MAGI1: variants seen among roughly 807,000 people sequenced by gnomAD.
The protein encoded by MAGI1 is membrane associated guanylate kinase, WW and PDZ domain containing 1.
MAGI1 carries 58 observed loss-of-function variants against 139.9 expected under a neutral mutation model. That is an observed-to-expected ratio of 0.41 (90% CI 0.34 to 0.52). The LOEUF is 0.52. Among genes scored for constraint, MAGI1 ranks in the 20% least tolerant of loss-of-function variants. The pLI is 0.12. For synonymous variants in MAGI1, 812 were observed against 737.9 expected, an observed-to-expected ratio of 1.10 and a Z score of -1.63; for missense variants, 1,874 against 1,901.6, an observed-to-expected ratio of 0.99 and a Z score of 0.27.
chr3:65,851,199 A>C (rs959123209), intron 1 of MAGI1, among the ~76,000 whole-genome samples: 2 of 152,286 alleles, frequency 1.3e-5, no homozygotes, highest in Admixed American at 1.3e-4. Context: ...AGTTTGACTA[A>C]ATGAGTAATT....
intron 1 of MAGI1, among the ~76,000 whole-genome samples, chr3:65,813,218 C>T (rs1035091793): frequency 3.9e-5 from 6 of 151,974 alleles, no homozygotes; most frequent in South Asian, 4.2e-4. Context: ...TCTCACCAAG[C>T]GCCACACCCC....
At chr3:65,714,496 C>T (rs908694027) in intron 1 of MAGI1, among the ~76,000 whole-genome samples, 4 of 152,090 alleles carry the variant, frequency 2.6e-5, no homozygotes, top group Non-Finnish European at 5.9e-5. Flanking sequence ...ACTTGGGGAG[C>T]ATGGGAGCCT....
chr3:65,791,744 C>T (rs2039789331), intron 1 of MAGI1, among the ~76,000 whole-genome samples: 1 of 152,094 alleles, frequency 6.6e-6, no homozygotes, highest in Admixed American at 6.6e-5. Flanking sequence ...GTGTGTTTTT[C>T]CATTTGCCAA....
intron 1 of MAGI1, among the ~76,000 whole-genome samples, chr3:65,760,764 C>T (rs529739447): frequency 6.6e-6 from 1 of 152,160 alleles, no homozygotes; most frequent in Admixed American, 6.5e-5. Context: ...CTAGCTACCA[C>T]ACAACACTGC....
rs1166273731 is a variant in MAGI1, at chr3:65,414,151, CACA to C, written c.2168-12684_2168-12682del. ...AGATGGTGATCTTAATGCAAGCAAA[CACA>C]ACTTGAAAGGAATTTTTGAAAGCTG... On this transcript the variant is annotated intron_variant, in intron 12 of 22. Transcript: ENST00000402939. 2.6e-5 allele frequency among the ~76,000 whole-genome samples: 4 copies of C among 152,140 alleles called. No homozygotes were observed. In the East Asian group the frequency reaches 7.7e-4, roughly 29 times the overall value.
At chr3:65,455,041 A>G (rs527761727) in intron 5 of MAGI1, among the ~76,000 whole-genome samples, 1 of 152,220 alleles carries the variant, frequency 6.6e-6, no homozygotes, top group Non-Finnish European at 1.5e-5. Flanking sequence ...CACAGTCTGC[A>G]CTACTCCTAC....
At chr3:65,564,398 A>T (rs2080514839) in intron 2 of MAGI1, among the ~76,000 whole-genome samples, 1 of 152,086 alleles carries the variant, frequency 6.6e-6, no homozygotes, top group Admixed American at 6.6e-5. Context: ...TCCATATCTA[A>T]TTCTGATTTT....
intron 1 of MAGI1, among the ~76,000 whole-genome samples, chr3:65,766,327 G>A (rs1469701127): frequency 2.0e-5 from 3 of 152,160 alleles, no homozygotes; most frequent in African/African-American, 7.2e-5. Flanking sequence ...GTGGACAACA[G>A]CTAGAATATA....
At chr3:65,872,125 G>C (rs935053372) in intron 1 of MAGI1, among the ~76,000 whole-genome samples, 1 of 152,162 alleles carries the variant, frequency 6.6e-6, no homozygotes, top group Non-Finnish European at 1.5e-5. Context: ...TGGGGTTGTT[G>C]TAAAGATCAA....
intron 1 of MAGI1, among the ~76,000 whole-genome samples, chr3:65,636,296 T>C (rs1317352339): frequency 1.3e-5 from 2 of 152,210 alleles, no homozygotes; most frequent in Admixed American, 6.5e-5. Flanking sequence ...ATGTGGTACA[T>C]AGTGCTCTTA....
chr3:65,864,139 T>C (rs1232052319), intron 1 of MAGI1, among the ~76,000 whole-genome samples: 6 of 152,210 alleles, frequency 3.9e-5, no homozygotes, highest in Admixed American at 2.0e-4. Flanking sequence ...TATAATAGCA[T>C]GTATAGCATG....
chr3:65,884,433 C>T (rs928355503), intron 1 of MAGI1, among the ~76,000 whole-genome samples: 1 of 151,990 alleles, frequency 6.6e-6, no homozygotes, highest in African/African-American at 2.4e-5. Context: ...TGAACAATGG[C>T]CAAAAAGTAC....
At chr3:65,688,235 C>T (rs878970274) in intron 1 of MAGI1, 2 of 812,224 alleles carry the variant, frequency 2.5e-6, no homozygotes, top group Admixed American at 1.8e-5. Context: ...TAGTCTGCTA[C>T]ACAGCCCAGA....
At position 65,363,452 on chromosome 3, in the gene MAGI1, T is replaced by A. The variant is rs1230371702; in HGVS notation, c.3495+13A>T. ...TTTCTTTGCACCTACCCCAGACTCC[T>A]CTCTCCACTTACCCTCATCTTTCCA... is the stretch of plus-strand genomic sequence containing the variant. On this transcript the variant is annotated intron_variant, in intron 21 of 22. Transcript: ENST00000402939. The A allele has an allele frequency of 1.2e-6, 2 of 1,600,908 alleles. No homozygotes were observed. Among genetic ancestry groups the A allele is most frequent in the East Asian group, 2.2e-5 (1 of 44,558 alleles).
intron 2 of MAGI1, among the ~76,000 whole-genome samples, chr3:65,502,442 T>G (rs2077119392): frequency 6.6e-6 from 1 of 152,146 alleles, no homozygotes; most frequent in Non-Finnish European, 1.5e-5. Flanking sequence ...CAGAATACCA[T>G]GAACTGGGTG....
rs556032204 is a variant in MAGI1, at chr3:65,739,721, G to A, written c.314-117633C>T. ...AGGGAGGCCCCAGGAGAGGGAGAGA[G>A]ACATGGGAAAGGGGGATCCGTGGAG... On this transcript the variant is annotated intron_variant, in intron 1 of 22. Coordinates refer to ENST00000402939, the MANE Select transcript of MAGI1 (RefSeq NM_001033057.2). Among the ~76,000 whole-genome samples, 7 of 152,298 alleles carry A rather than the reference G, an allele frequency of 4.6e-5. No homozygotes were observed. In the South Asian group the frequency reaches 1.5e-3, roughly 32 times the overall value.
intron 1 of MAGI1, among the ~76,000 whole-genome samples, chr3:65,928,872 A>G (rs1003882304): frequency 2.9e-4 from 44 of 152,136 alleles, no homozygotes; most frequent in African/African-American, 1.0e-3. Context: ...CTTCAAAAGG[A>G]CCCCGAAGAT....
chr3:65,500,754 A>T (rs1481841064), intron 2 of MAGI1, among the ~76,000 whole-genome samples: 1 of 152,216 alleles, frequency 6.6e-6, no homozygotes, highest in Non-Finnish European at 1.5e-5. Context: ...GTTAAAGGAA[A>T]ATAATCAGCC....
chr3:65,520,587 G>A (rs1428879202), intron 2 of MAGI1, among the ~76,000 whole-genome samples: 2 of 152,112 alleles, frequency 1.3e-5, no homozygotes, highest in Non-Finnish European at 2.9e-5. Context: ...CAAAAAAAGT[G>A]AGCTATTAAT....
Sources: allele counts gnomAD v4.1 joint callset (sites outside exome capture counted in the v4.1 genomes callset), GRCh38; gene constraint gnomAD v4.1.1; transcripts MANE v1.5; gene names NCBI Gene and HGNC (gene_info 2026-07-23, HGNC 2026-07-21).